Variants in CD226 observed in about 807,000 individuals in gnomAD.
The protein encoded by CD226 is CD226 molecule, also known as CD226 antigen.
Under a neutral mutation model 34.9 loss-of-function variants are expected in CD226, and 24 were observed. The observed-to-expected ratio is 0.69, with a 90% CI of 0.50 to 0.97. The LOEUF (loss-of-function observed/expected upper bound fraction) is 0.97, where lower values mean the gene tolerates loss of function less well. Ranked by LOEUF, CD226 falls within the 50% of genes least tolerant of loss-of-function variation. The pLI, the probability that CD226 is intolerant of heterozygous loss-of-function variation, is 0.00. For missense variants in CD226, 397 were observed against 412.7 expected, an observed-to-expected ratio of 0.96 and a Z score of 0.33; for synonymous variants, 148 against 147.4, an observed-to-expected ratio of 1.00 and a Z score of -0.03.
chr18:69,861,542 G>GTGTATATATATGTATA lies in CD226; in HGVS notation c.*2771_*2772insTATACATATATATACA, dbSNP rs1555675775. The GTGTATATATATGTATA allele has an allele frequency of 2.4e-5, 1 of 41,526 alleles. No individual in the cohort carries two copies. The highest frequency in any genetic ancestry group is 6.5e-5 in the Non-Finnish European group (1 of 15,316). The allele number at this position is 41,526 out of a possible 1,614,324, so 2.6% of individuals were successfully genotyped here. A position where few individuals can be genotyped will look rare whatever the true frequency, so the allele number is the denominator to read the frequency against. On this transcript the variant is annotated 3_prime_UTR_variant, in exon 6 of 6. Transcript: ENST00000582621. Reference sequence around the variant, plus strand: ...TTATCCATCGATATAAATTATATGTGTATATATATATGTATATATATATAT... The same window carrying GTGTATATATATGTATA: ...TTATCCATCGATATAAATTATATGTGTGTATATATATGTATATATATATATATGTATATATATATAT...
intron 2 of CD226, among the ~76,000 whole-genome samples, chr18:69,901,645 C>T (rs370367578): frequency 3.3e-5 from 5 of 152,054 alleles, no homozygotes; most frequent in East Asian, 1.9e-4. Context: ...TTTGGGAGGC[C>T]GAGGCAGGCA....
Position 69,864,238 on chromosome 18 carries a change from G to T in CD226, c.*76C>A. The T allele has an allele frequency of 7.0e-7, 1 of 1,420,672 alleles. No homozygotes were observed. Among genetic ancestry groups the T allele is most frequent in the Non-Finnish European group, 9.8e-7 (1 of 1,019,346 alleles). 88.0% of individuals were successfully genotyped at this position (1,420,672 alleles called of 1,614,324 possible). ...TAGTATCTAAGGTAGACCTTGGGTA[G>T]TGGAAAAAAATTGCATAAAGATCCA... is the stretch of plus-strand genomic sequence containing the variant. On this transcript the variant is annotated 3_prime_UTR_variant, in exon 6 of 6. Coordinates refer to ENST00000582621, the MANE Select transcript of CD226 (RefSeq NM_001303618.2).
chr18:69,909,615 T>A (rs1442919961), intron 2 of CD226, among the ~76,000 whole-genome samples: 6 of 152,194 alleles, frequency 3.9e-5, no homozygotes, highest in South Asian at 2.1e-4. Flanking sequence ...ATAGTTGTAA[T>A]CATCACATCG....
chr18:69,882,485 A>G (rs1469846808), intron 3 of CD226, among the ~76,000 whole-genome samples: 6 of 152,242 alleles, frequency 3.9e-5, no homozygotes, highest in Non-Finnish European at 7.3e-5. Flanking sequence ...TATTTAAGTG[A>G]GCACATGAGG....
At chr18:69,956,438 C>T (rs527686083) in intron 1 of CD226, among the ~76,000 whole-genome samples, 2 of 152,344 alleles carry the variant, frequency 1.3e-5, no homozygotes, top group South Asian at 4.2e-4. Flanking sequence ...GCTTGACAGA[C>T]CAGATGCCGG....
chr18:69,898,997 T>C (rs1377997444), intron 2 of CD226, among the ~76,000 whole-genome samples: 1 of 152,216 alleles, frequency 6.6e-6, no homozygotes, highest in Non-Finnish European at 1.5e-5. Flanking sequence ...AGCTTATACT[T>C]ATATGTAGCT....
At chr18:69,876,342 T>G (rs994002579) in intron 3 of CD226, among the ~76,000 whole-genome samples, 2 of 152,198 alleles carry the variant, frequency 1.3e-5, no homozygotes, top group Non-Finnish European at 2.9e-5. Flanking sequence ...TTATATGAAT[T>G]TAACAGTATA....
At chr18:69,893,717 C>T (rs532129880) in intron 3 of CD226, among the ~76,000 whole-genome samples, 28 of 152,120 alleles carry the variant, frequency 1.8e-4, no homozygotes, top group Non-Finnish European at 4.1e-4. Context: ...AATTTTTCCT[C>T]CCCCAAATAT....
At chr18:69,934,456 G>T (rs141335618) in intron 2 of CD226, among the ~76,000 whole-genome samples, 8 of 152,302 alleles carry the variant, frequency 5.3e-5, no homozygotes, top group Middle Eastern at 3.4e-3. Context: ...TTAGGATTCT[G>T]CTCATTAAAT....
At chr18:69,953,999 CAAAAA>C (rs933349209) in intron 1 of CD226, among the ~76,000 whole-genome samples, 1 of 73,724 alleles carries the variant, frequency 1.4e-5, no homozygotes, top group Non-Finnish European at 2.9e-5. Context: ...GACTCCGTTT[CAAAAA>C]AAAAAAAAAA....
chr18:69,923,137 G>T (rs1384700100), intron 2 of CD226, among the ~76,000 whole-genome samples: 3 of 140,628 alleles, frequency 2.1e-5, no homozygotes, highest in Admixed American at 7.3e-5. Flanking sequence ...TCTCAAAAAA[G>T]TCAAAGAAGA....
intron 3 of CD226, among the ~76,000 whole-genome samples, chr18:69,880,720 C>T (rs1343610621): frequency 2.7e-5 from 4 of 149,146 alleles, no homozygotes; most frequent in South Asian, 2.1e-4. Flanking sequence ...GGCACGATCT[C>T]GGCTCACTGC....
At chr18:69,906,440 G>T (rs1198407405) in intron 2 of CD226, among the ~76,000 whole-genome samples, 3 of 152,156 alleles carry the variant, frequency 2.0e-5, no homozygotes, top group Non-Finnish European at 4.4e-5. Context: ...CAAAAGACAT[G>T]ACCTATGAAA....
intron 3 of CD226, among the ~76,000 whole-genome samples, chr18:69,889,800 C>A (rs1380576065): frequency 6.6e-6 from 1 of 152,146 alleles, no homozygotes; most frequent in Non-Finnish European, 1.5e-5. Context: ...TACCTCACAT[C>A]GTCCCAGAGG....
At chr18:69,925,156 A>G (rs2145318990) in intron 2 of CD226, among the ~76,000 whole-genome samples, 1 of 152,300 alleles carries the variant, frequency 6.6e-6, no homozygotes, top group Non-Finnish European at 1.5e-5. Context: ...GATATTTGCA[A>G]ATGGCCACCA....
At chr18:69,924,692 C>CAAAAAAAAAAAAAAAAAAA (rs56118102) in intron 2 of CD226, among the ~76,000 whole-genome samples, 3 of 57,126 alleles carry the variant, frequency 5.3e-5, no homozygotes, top group African/African-American at 1.2e-4. Flanking sequence ...AAGGTATTGC[C>CAAAAAAAAAAAAAAAAAAA]AAAAAAAAAA....
intron 2 of CD226, among the ~76,000 whole-genome samples, chr18:69,923,827 G>A (rs1215048484): frequency 6.6e-6 from 1 of 151,524 alleles, no homozygotes; most frequent in South Asian, 2.1e-4. Context: ...AGTGGCGGGC[G>A]CCTGTAGTCC....
In CD226 at chr18:69,895,815, T is replaced by A. The variant is rs776758311; in HGVS notation, c.613A>T (p.Ser205Cys). Residue 205 changes from serine (S) to cysteine (C), a missense_variant, in exon 3 of 6, where the codon AGC becomes TGC. By Grantham distance (112) the Ser-to-Cys change is moderately radical. Coordinates refer to ENST00000582621, the MANE Select transcript of CD226 (RefSeq NM_001303618.2). ...IVSNCSHGRW[S>C]VIVIPDVTVS... The stretch of plus-strand genomic sequence containing the variant: ...GTGACATCGGGGATGACGATGACGC[T>A]CCACCTTCCGTGGCTGCAGTTGCTC... 6.2e-7 allele frequency: 1 copy of A among 1,614,188 alleles called. No homozygotes were observed. The highest frequency in any genetic ancestry group is 2.2e-5 in the East Asian group (1 of 44,878).
At chr18:69,960,264 GAAAAAGAAAAT>G (rs778601069), upstream of CD226, among the ~76,000 whole-genome samples, 574 of 149,470 alleles carry the variant, frequency 3.8e-3, 5 homozygotes, top group Non-Finnish European at 5.9e-3. Context: ...GAAAAGAAAA[GAAAAAGAAAAT>G]AAAAAGAATA....
Sources: gnomAD v4.1 joint callset for allele counts (sites outside exome capture counted in the v4.1 genomes callset) on GRCh38, gnomAD v4.1.1 for gene constraint, MANE v1.5 for transcripts, NCBI Gene and HGNC (gene_info 2026-07-23, HGNC 2026-07-21) for gene names.